The following ADCY10 variants were observed in gnomAD, a reference collection of about 807,000 sequenced individuals.
The protein encoded by ADCY10 is adenylate cyclase 10.
A neutral mutation model predicts 183.3 loss-of-function variants in ADCY10; 156 were observed. The ratio of observed to expected loss-of-function variants is 0.85; its 90% confidence interval spans 0.75 to 0.97. The LOEUF (loss-of-function observed/expected upper bound fraction) is 0.97. Ranked by LOEUF, ADCY10 falls within the 50% of genes least tolerant of loss-of-function variation. ADCY10 has a pLI of 0.00. For missense variants in ADCY10, 1,745 were observed against 1,934.3 expected, an observed-to-expected ratio of 0.90 and a Z score of 1.84; for synonymous variants, 645 against 670.0, an observed-to-expected ratio of 0.96 and a Z score of 0.58.
chr1:167,905,196 C>T lies in ADCY10; in HGVS notation c.-56G>A, dbSNP rs753274965. On this transcript the variant is annotated splice_region_variant and 5_prime_UTR_variant, in exon 2 of 33. Transcript: ENST00000367851. Reference sequence around the variant, plus strand: ...GACAGGAAGCAGTCTCCAAATAGGTCTTCTAAAAAGAAAATTGAAATAGAG... The same window carrying T: ...GACAGGAAGCAGTCTCCAAATAGGTTTTCTAAAAAGAAAATTGAAATAGAG... 16 of 1,592,212 alleles carry T rather than the reference C, an allele frequency of 1.0e-5. No homozygotes were observed. The highest frequency in any genetic ancestry group is 1.4e-5 in the Non-Finnish European group (16 of 1,160,402).
Position 167,836,978 on chromosome 1 carries a change from T to C in ADCY10, c.3077+271A>G, listed in dbSNP as rs541789751. On this transcript the variant is annotated intron_variant, in intron 22 of 32. Coordinates refer to ENST00000367851, the MANE Select transcript of ADCY10 (RefSeq NM_018417.6). ...AGGCGGAGGTTGCAGTGAGCTGAGA[T>C]TGTGGCATTGCACTCCAGCCTGGGT... The C allele has an allele frequency of 8.5e-4, 369 of 432,950 alleles. 1 individual carries two copies. The highest frequency in any genetic ancestry group is 6.7e-3 in the African/African-American group (333 of 49,598). 26.8% of individuals were successfully genotyped at this position (432,950 alleles called of 1,614,324 possible).
intron 21 of ADCY10, among the ~76,000 whole-genome samples, chr1:167,838,929 C>G (rs141625062): frequency 3.3e-5 from 5 of 152,288 alleles, no homozygotes; most frequent in African/African-American, 1.2e-4. Flanking sequence ...TGATTATTTT[C>G]TTTTTCTTAC....
Position 167,852,111 on chromosome 1 carries a change from G to A in ADCY10, c.2308+2242C>T, listed in dbSNP as rs546828912. ...AATTAAGACACAAAAGACACTGAAGGGTTTTAAATAGAGAAGACACCTGAT... is the reference window on the plus strand; with the variant it reads ...AATTAAGACACAAAAGACACTGAAGAGTTTTAAATAGAGAAGACACCTGAT... On this transcript the variant is annotated intron_variant, in intron 18 of 32. Transcript: ENST00000367851. Among the ~76,000 whole-genome samples, 9 of 152,164 alleles carry A rather than the reference G, an allele frequency of 5.9e-5. No homozygotes were observed. The South Asian group carries it at 1.7e-3, about 28-fold the overall frequency.
intron 25 of ADCY10, among the ~76,000 whole-genome samples, chr1:167,830,604 G>A (rs1663649440): frequency 6.6e-6 from 1 of 152,154 alleles, no homozygotes; most frequent in Admixed American, 6.5e-5. Context: ...ATGTTGGCCA[G>A]GCTGGTCCTG....
chr1:167,820,090 G>T (rs1316533049), intron 30 of ADCY10: 1 of 1,572,206 alleles, frequency 6.4e-7, no homozygotes. Context: ...ATTTGGCTAT[G>T]GTTGTCCTGA....
At chr1:167,906,228 T>C (rs890071869) in intron 1 of ADCY10, among the ~76,000 whole-genome samples, 3 of 152,102 alleles carry the variant, frequency 2.0e-5, no homozygotes, top group Admixed American at 1.3e-4. Flanking sequence ...ATGTATATAG[T>C]ATACATTTAA....
At position 167,809,681 on chromosome 1, in the gene ADCY10, GA is replaced by G; in HGVS notation, c.4829del (p.Phe1610SerfsTer21). ...LMRANTVDNH[F>X] ...AAAATCTTTTTTCTTTGACATGTTA[GA>G]AATGATTGTCCACGGTATTAGCTCT... On this transcript the variant is annotated frameshift_variant, in exon 33 of 33. Coordinates refer to ENST00000367851, the MANE Select transcript of ADCY10 (RefSeq NM_018417.6). LOFTEE classifies it high-confidence loss of function. 1 of 1,614,056 alleles carries G rather than the reference GA, an allele frequency of 6.2e-7. No individual in the cohort carries two copies. Among genetic ancestry groups the G allele is most frequent in the Non-Finnish European group, 8.5e-7 (1 of 1,179,930 alleles).
At chr1:167,905,327 C>T (rs1021610119) in intron 1 of ADCY10, 129 bp from the exon 2 acceptor site, 14 of 736,632 alleles carry the variant, frequency 1.9e-5, no homozygotes, top group Non-Finnish European at 3.0e-5. Flanking sequence ...AGTTGTTGAG[C>T]CACACTTCAA....
At chr1:167,902,202 CACTTA>C in intron 3 of ADCY10, 148 bp from the exon 4 acceptor site, 1 of 818,068 alleles carries the variant, frequency 1.2e-6, no homozygotes, top group Non-Finnish European at 2.0e-6. Context: ...CCAGACAAGC[CACTTA>C]ACCCATTTGA....
At chr1:167,863,970 G>A (rs939018263) in intron 14 of ADCY10, among the ~76,000 whole-genome samples, 2 of 152,092 alleles carry the variant, frequency 1.3e-5, no homozygotes, top group Non-Finnish European at 2.9e-5. Context: ...CTGGTCTTGG[G>A]AACTTGCCCA....
At chr1:167,899,696 T>A in intron 5 of ADCY10, 68 bp from the exon 6 acceptor site, 2 of 1,480,790 alleles carry the variant, frequency 1.4e-6, no homozygotes, top group Non-Finnish European at 9.3e-7. Context: ...CACAGGTTTT[T>A]GGAAAAACCA....
At chr1:167,901,889 A>T in intron 4 of ADCY10, 84 bp from the exon 5 acceptor site, 1 of 1,611,150 alleles carries the variant, frequency 6.2e-7, no homozygotes, top group South Asian at 1.1e-5. Flanking sequence ...AAACTTACTC[A>T]TCAAGCATTC....
intron 19 of ADCY10, among the ~76,000 whole-genome samples, chr1:167,847,960 A>G (rs1665165108): frequency 6.6e-6 from 1 of 152,266 alleles, no homozygotes; most frequent in African/African-American, 2.4e-5. Context: ...CAGAGCAAAC[A>G]GACAAACAAC....
intron 8 of ADCY10, among the ~76,000 whole-genome samples, chr1:167,884,440 AG>A (rs1668079136): frequency 6.6e-6 from 1 of 152,156 alleles, no homozygotes; most frequent in Admixed American, 6.5e-5. Context: ...ACCTCCTACC[AG>A]TCCCCTCCAC....
chr1:167,880,900 G>A (rs776453301), intron 9 of ADCY10, among the ~76,000 whole-genome samples: 1 of 152,170 alleles, frequency 6.6e-6, no homozygotes, highest in African/African-American at 2.4e-5. Context: ...GGTCCATGCT[G>A]CAAAGTGCTC....
chr1:167,901,773 G>A lies in ADCY10; in HGVS notation c.325C>T (p.Arg109Ter), dbSNP rs768185604. 40 of 1,613,896 alleles carry A rather than the reference G, an allele frequency of 2.5e-5. No homozygotes were observed. The highest frequency in any genetic ancestry group is 3.3e-5 in the Admixed American group (2 of 59,980). Residue 109 changes from arginine to a stop codon, truncating the protein, a stop_gained, in exon 5 of 33, where the codon CGA (arginine) becomes TGA (stop). Coordinates refer to ENST00000367851, the MANE Select transcript of ADCY10 (RefSeq NM_018417.6). LOFTEE classifies it high-confidence loss of function. ...GTGATAATGTTTTTCAGCTGCTTTC[G>A]CTCCACCCTCCACAGGGCTAGCAGT... is the stretch of plus-strand genomic sequence containing the variant. ...DALLALWRVE[R>*]KQLKNIITVV...
chr1:167,868,405 C>T lies in ADCY10; in HGVS notation c.1616+1852G>A, dbSNP rs1304752977. Among the ~76,000 whole-genome samples the T allele has an allele frequency of 2.6e-5, 4 of 152,130 alleles. 1 individual carries two copies. Among genetic ancestry groups the T allele is most frequent in the Admixed American group, 2.6e-4 (4 of 15,276 alleles). ...TGAAAAAAGGAAAGAATTCACTCAT[C>T]CTGTAGGATGACTTAGTTGCCTAGG... is the stretch of plus-strand genomic sequence containing the variant. On this transcript the variant is annotated intron_variant, in intron 14 of 32. Coordinates refer to ENST00000367851, the MANE Select transcript of ADCY10 (RefSeq NM_018417.6).
At chr1:167,886,490 G>A (rs1668233123) in intron 8 of ADCY10, among the ~76,000 whole-genome samples, 1 of 152,136 alleles carries the variant, frequency 6.6e-6, no homozygotes, top group Non-Finnish European at 1.5e-5. Context: ...AAACTGGCTA[G>A]CCATATGTAG....
chr1:167,836,526 C>T lies in ADCY10; in HGVS notation c.3092G>A (p.Arg1031Lys). 1 of 1,606,260 alleles carries T rather than the reference C, an allele frequency of 6.2e-7. No homozygotes were observed. The highest frequency in any genetic ancestry group is 8.5e-7 in the Non-Finnish European group (1 of 1,172,978). The change falls in exon 23 of 33, where the codon AGA becomes AAA. Residue 1031 changes from arginine (R) to lysine (K), a missense_variant. By Grantham distance (26) the Arg-to-Lys change is conservative. Coordinates refer to ENST00000367851, the MANE Select transcript of ADCY10 (RefSeq NM_018417.6). ...GTCAAAGAAATTCAAGATCTTTTCT[C>T]TTATTTCTTCAGGACTGTCCATATG... ...FPENRSPEEI[R>K]EKILNFFDHV...
Sources: gnomAD v4.1 joint callset for allele counts (sites outside exome capture counted in the v4.1 genomes callset) on GRCh38, gnomAD v4.1.1 for gene constraint, MANE v1.5 for transcripts, NCBI Gene and HGNC (gene_info 2026-07-23, HGNC 2026-07-21) for gene names.